The following THRB variants were observed in gnomAD, a reference collection of about 807,000 sequenced individuals.
THRB encodes the protein nuclear receptor subfamily 1 group A member 2.
THRB carries 12 observed loss-of-function variants against 47.8 expected under a neutral mutation model. The observed-to-expected ratio is 0.25, with a 90% CI of 0.16 to 0.41. The LOEUF (loss-of-function observed/expected upper bound fraction) is 0.41. Among genes scored for constraint, THRB ranks in the 10% least tolerant of loss-of-function variants. The pLI is 1.00. For synonymous variants in THRB, 218 were observed against 212.2 expected (o/e 1.03, Z -0.24); for missense variants, 348 against 589.2 (o/e 0.59, Z 4.24).
intron 3 of THRB, among the ~76,000 whole-genome samples, chr3:24,262,450 A>G (rs1053380087): frequency 3.9e-5 from 6 of 152,170 alleles, no homozygotes; most frequent in Non-Finnish European, 8.8e-5. Context: ...TGGTTTTCCT[A>G]TCACACTTGG....
chr3:24,453,318 A>C (rs1240832317), intron 1 of THRB, among the ~76,000 whole-genome samples: 2 of 152,184 alleles, frequency 1.3e-5, no homozygotes, highest in Non-Finnish European at 2.9e-5. Flanking sequence ...GATTATTTTC[A>C]TTTAACGGTG....
At chr3:24,224,858 C>A (rs534811932) in intron 4 of THRB, among the ~76,000 whole-genome samples, 1 of 152,298 alleles carries the variant, frequency 6.6e-6, no homozygotes, top group South Asian at 2.1e-4. Flanking sequence ...AATTCAAGAT[C>A]TAGGGAGATG....
intron 2 of THRB, among the ~76,000 whole-genome samples, chr3:24,310,272 T>C (rs992484734): frequency 6.6e-6 from 1 of 152,230 alleles, no homozygotes; most frequent in African/African-American, 2.4e-5. Flanking sequence ...TATAAGAATT[T>C]CCCATGATAG....
chr3:24,155,840 A>G (rs186597279), intron 5 of THRB, among the ~76,000 whole-genome samples: 40 of 152,348 alleles, frequency 2.6e-4, no homozygotes, highest in Non-Finnish European at 4.9e-4. Context: ...ACGACTGTTC[A>G]TGTCAGGAAC....
At chr3:24,367,211 G>A (rs893638285) in intron 1 of THRB, among the ~76,000 whole-genome samples, 1 of 152,156 alleles carries the variant, frequency 6.6e-6, no homozygotes, top group Non-Finnish European at 1.5e-5. Flanking sequence ...AGGGACAGAG[G>A]TCAACGAATA....
chr3:24,173,301 T>C (rs750845941), intron 5 of THRB, among the ~76,000 whole-genome samples: 2 of 152,196 alleles, frequency 1.3e-5, no homozygotes, highest in African/African-American at 4.8e-5. Flanking sequence ...AACTTCTGTC[T>C]TCTTCTGTTG....
intron 2 of THRB, among the ~76,000 whole-genome samples, chr3:24,332,199 C>T (rs2061972223): frequency 6.6e-6 from 1 of 152,138 alleles, no homozygotes; most frequent in Non-Finnish European, 1.5e-5. Context: ...TACCCCTCCC[C>T]CATTGTTGCT....
intron 2 of THRB, among the ~76,000 whole-genome samples, chr3:24,324,074 G>C (rs1471459290): frequency 6.6e-6 from 1 of 152,114 alleles, no homozygotes; most frequent in African/African-American, 2.4e-5. Flanking sequence ...ACCCCTGTGG[G>C]CACTTGACCT....
At chr3:24,191,424 C>G (rs945705967) in intron 4 of THRB, among the ~76,000 whole-genome samples, 11 of 151,982 alleles carry the variant, frequency 7.2e-5, no homozygotes, top group African/African-American at 2.7e-4. Context: ...TTAAAGTGAT[C>G]ATAATTCACA....
intron 2 of THRB, among the ~76,000 whole-genome samples, chr3:24,307,492 A>G (rs2057437758): frequency 6.6e-6 from 1 of 152,194 alleles, no homozygotes; most frequent in Non-Finnish European, 1.5e-5. Context: ...CTTCATAAAC[A>G]GCACTTTCAA....
At chr3:24,440,807 G>A (rs1410519372) in intron 1 of THRB, among the ~76,000 whole-genome samples, 1 of 152,196 alleles carries the variant, frequency 6.6e-6, no homozygotes, top group Non-Finnish European at 1.5e-5. Flanking sequence ...AGGGAAACAG[G>A]TGATCTGAGA....
intron 2 of THRB, among the ~76,000 whole-genome samples, chr3:24,315,957 G>A (rs892296273): frequency 9.9e-5 from 15 of 152,056 alleles, no homozygotes; most frequent in South Asian, 2.1e-4. Context: ...AAATATCTCC[G>A]TATGTTTCTG....
intron 1 of THRB, among the ~76,000 whole-genome samples, chr3:24,464,404 ATATTT>A (rs1231012141): frequency 6.6e-6 from 1 of 152,210 alleles, no homozygotes; most frequent in African/African-American, 2.4e-5. Context: ...TCTTGACTTA[ATATTT>A]TATTTTGTCT....
At chr3:24,305,061 C>T (rs67607062) in intron 2 of THRB, among the ~76,000 whole-genome samples, 58,626 of 151,978 alleles carry the variant, frequency 0.39, 11,388 homozygotes, top group Admixed American at 0.47. Flanking sequence ...CCATTTAACT[C>T]TTAAAGAACA....
intron 2 of THRB, among the ~76,000 whole-genome samples, chr3:24,331,631 A>G (rs1576903508): frequency 6.6e-6 from 1 of 151,920 alleles, no homozygotes; most frequent in East Asian, 1.9e-4. Context: ...GTATGAATAT[A>G]CATACACATA....
chr3:24,124,532 C>T (rs1359201568), intron 10 of THRB, among the ~76,000 whole-genome samples: 1 of 152,188 alleles, frequency 6.6e-6, no homozygotes, highest in Non-Finnish European at 1.5e-5. Flanking sequence ...ACGTAAATGA[C>T]ATAGCGAGTA....
At chr3:24,411,830 A>G (rs76528087) in intron 1 of THRB, among the ~76,000 whole-genome samples, 3,508 of 151,880 alleles carry the variant, frequency 0.023, 131 homozygotes, top group African/African-American at 0.081. Context: ...AACCCCATAT[A>G]TCAACAGTGC....
chr3:24,254,199 TAAAAAAAAAAAAAAAAAAAAAAAAAAAAA>T (rs57275069), intron 3 of THRB, among the ~76,000 whole-genome samples: 8 of 34,584 alleles, frequency 2.3e-4, no homozygotes, highest in Admixed American at 9.0e-4. Flanking sequence ...CTGTCTCTAC[TAAAAAAAAAAAAAAAAAAAAAAAAAAAAA>T]AAAAAAAAAA....
At chr3:24,398,986 C>A (rs1409472549) in intron 1 of THRB, among the ~76,000 whole-genome samples, 1 of 151,904 alleles carries the variant, frequency 6.6e-6, no homozygotes, top group Non-Finnish European at 1.5e-5. Context: ...GGACAAAAAA[C>A]CAAACACCGT....
Sources: gnomAD v4.1 joint callset for allele counts (sites outside exome capture counted in the v4.1 genomes callset) on GRCh38, gnomAD v4.1.1 for gene constraint, MANE v1.5 for transcripts, NCBI Gene and HGNC (gene_info 2026-07-23, HGNC 2026-07-21) for gene names.